The following FAM78B variants were observed in gnomAD, a reference collection of about 807,000 sequenced individuals.
The protein encoded by FAM78B is protein FAM78B.
In FAM78B, 10 loss-of-function variants were observed where a neutral mutation model predicts 20.0. That is an observed-to-expected ratio of 0.50 (90% CI 0.31 to 0.85). The LOEUF (loss-of-function observed/expected upper bound fraction) is 0.85, where lower values mean the gene tolerates loss of function less well. Ranked by LOEUF, FAM78B falls within the 40% of genes least tolerant of loss-of-function variation. FAM78B has a pLI of 0.05. For missense variants in FAM78B, 283 were observed against 345.0 expected (o/e 0.82, Z 1.42); for synonymous variants, 135 against 132.8 (o/e 1.02, Z -0.12).
At chr1:166,162,208 G>A (rs10732284) in intron 1 of FAM78B, among the ~76,000 whole-genome samples, 150,993 of 152,304 alleles carry the variant, frequency 0.99, 74,858 homozygotes, top group Middle Eastern at 1. Context: ...AATGGATAGA[G>A]ATCAGCTTGG....
chr1:166,140,280 T>C (rs1028980013), intron 1 of FAM78B, among the ~76,000 whole-genome samples: 2 of 152,202 alleles, frequency 1.3e-5, no homozygotes, highest in African/African-American at 4.8e-5. Flanking sequence ...GAAGGCTGAC[T>C]TGCCAGAAAA....
Position 166,166,040 on chromosome 1 carries a change from C to T in FAM78B, c.209G>A (p.Trp70Ter). The T allele has an allele frequency of 6.2e-7, 1 of 1,613,982 alleles. No homozygotes were observed. Among genetic ancestry groups the T allele is most frequent in the Non-Finnish European group, 8.5e-7 (1 of 1,180,018 alleles). ...IPRHETWVVG[W>*]IQACNQMEFF... Reference sequence around the variant, plus strand: ...CTCCATCTGATTGCACGCCTGAATCCAGCCCACCACCCAGGTCTCGTGGCG... The same window carrying T: ...CTCCATCTGATTGCACGCCTGAATCTAGCCCACCACCCAGGTCTCGTGGCG... The change falls in exon 1 of 2, where the codon TGG becomes TAG. Residue 70 changes from tryptophan (W) to a stop codon, truncating the protein, a stop_gained. Transcript: ENST00000354422. LOFTEE classifies it high-confidence loss of function.
intron 1 of FAM78B, among the ~76,000 whole-genome samples, chr1:166,072,140 A>C (rs1652073399): frequency 6.6e-6 from 1 of 152,200 alleles, no homozygotes; most frequent in South Asian, 2.1e-4. Context: ...GGTTTTATAC[A>C]AGTTGTCTTA....
At chr1:166,057,207 C>T (rs146783235), downstream of FAM78B, among the ~76,000 whole-genome samples, 67 of 152,292 alleles carry the variant, frequency 4.4e-4, 2 homozygotes, top group African/African-American at 1.4e-3. Context: ...CCTTTCTTCC[C>T]CTTACAGTTG....
chr1:166,147,806 G>C (rs1430385953), intron 1 of FAM78B: 1 of 151,998 alleles, frequency 6.6e-6, no homozygotes. Context: ...GCTAATTTTT[G>C]CATTTTTTGT....
intron 1 of FAM78B, among the ~76,000 whole-genome samples, chr1:166,108,675 G>A (rs993428824): frequency 3.9e-5 from 6 of 151,970 alleles, no homozygotes; most frequent in South Asian, 2.1e-4. Context: ...AAATTCATAC[G>A]GAAACAAAAA....
At chr1:166,077,115 C>T (rs912269749) in intron 1 of FAM78B, among the ~76,000 whole-genome samples, 2 of 152,014 alleles carry the variant, frequency 1.3e-5, no homozygotes, top group African/African-American at 4.8e-5. Flanking sequence ...TTCAAGACAG[C>T]AGTAAAGATA....
chr1:166,098,309 T>TA (rs573490287), intron 1 of FAM78B, among the ~76,000 whole-genome samples: 3 of 151,808 alleles, frequency 2.0e-5, no homozygotes, highest in Non-Finnish European at 2.9e-5. Context: ...GGTAATATGA[T>TA]AAAAAAAGGC....
chr1:166,136,485 AGCT>A (rs1344193263), intron 1 of FAM78B, among the ~76,000 whole-genome samples: 1 of 152,198 alleles, frequency 6.6e-6, no homozygotes, highest in Non-Finnish European at 1.5e-5. Flanking sequence ...CTGCCCTCAC[AGCT>A]GCTGCTGTCT....
At chr1:166,109,516 G>A (rs551073739) in intron 1 of FAM78B, among the ~76,000 whole-genome samples, 1 of 151,940 alleles carries the variant, frequency 6.6e-6, no homozygotes, top group African/African-American at 2.4e-5. Flanking sequence ...ACAGTAGATG[G>A]TGGTGTGGAT....
intron 1 of FAM78B, among the ~76,000 whole-genome samples, chr1:166,088,064 T>C (rs930444555): frequency 3.3e-5 from 5 of 152,142 alleles, no homozygotes; most frequent in African/African-American, 1.2e-4. Context: ...CTGCAGATGC[T>C]TTGACCCAAT....
At chr1:166,123,618 T>C (rs1158091521) in intron 1 of FAM78B, among the ~76,000 whole-genome samples, 3 of 152,218 alleles carry the variant, frequency 2.0e-5, no homozygotes, top group Non-Finnish European at 4.4e-5. Context: ...AGAAACCAAC[T>C]TGAAGAAGCT....
chr1:166,084,572 C>T (rs1333646004), intron 1 of FAM78B, among the ~76,000 whole-genome samples: 1 of 152,176 alleles, frequency 6.6e-6, no homozygotes, highest in African/African-American at 2.4e-5. Flanking sequence ...AGTGGTTATT[C>T]CCAAGGGATG....
chr1:166,102,375 A>T (rs1311984700), intron 1 of FAM78B, among the ~76,000 whole-genome samples: 3 of 152,214 alleles, frequency 2.0e-5, no homozygotes, highest in African/African-American at 7.2e-5. Context: ...CGTAAATGTA[A>T]ATGGGCTAAA....
At chr1:166,085,803 T>C (rs945853643) in intron 1 of FAM78B, among the ~76,000 whole-genome samples, 2 of 152,178 alleles carry the variant, frequency 1.3e-5, no homozygotes, top group African/African-American at 4.8e-5. Context: ...TTGGCCTCAG[T>C]GGTCTGGAAA....
rs1653953554 is a variant in FAM78B at position 166,109,858 on chromosome 1, A to ATG, written c.264-39096_264-39095insCA. ...TATATATGTATATATATATATATATATATGTATGTGTATATATATATATGT... is the reference window on the plus strand; with the variant it reads ...TATATATGTATATATATATATATATATGTATGTATGTGTATATATATATATGT... On this transcript the variant is annotated intron_variant, in intron 1 of 1. Transcript: ENST00000354422. Among the ~76,000 whole-genome samples, 7 of 28,116 alleles carry ATG rather than the reference A, an allele frequency of 2.5e-4. 1 individual carries two copies. Among genetic ancestry groups the ATG allele is most frequent in the Non-Finnish European group, 4.6e-4 (6 of 12,914 alleles). 18.4% of individuals were successfully genotyped at this position (28,116 alleles called of 152,430 possible). A position where few individuals can be genotyped will look rare whatever the true frequency, so the allele number is the denominator to read the frequency against.
intron 1 of FAM78B, among the ~76,000 whole-genome samples, chr1:166,086,400 C>T (rs1201366925): frequency 6.6e-6 from 1 of 152,156 alleles, no homozygotes; most frequent in Non-Finnish European, 1.5e-5. Flanking sequence ...TCTCATTTCT[C>T]TCACTGGCGC....
intron 1 of FAM78B, among the ~76,000 whole-genome samples, chr1:166,071,166 G>A (rs114463460): frequency 0.014 from 2,100 of 152,274 alleles, 32 homozygotes; most frequent in Middle Eastern, 0.048. Context: ...GTTGAAATTC[G>A]ATGTACTTGG....
chr1:166,104,625 T>C (rs1314521227), intron 1 of FAM78B, among the ~76,000 whole-genome samples: 2 of 152,150 alleles, frequency 1.3e-5, no homozygotes, highest in Non-Finnish European at 2.9e-5. Context: ...GAGAATCAAA[T>C]AGCTAGGAAT....
Sources: allele counts gnomAD v4.1 joint callset (sites outside exome capture counted in the v4.1 genomes callset), GRCh38; gene constraint gnomAD v4.1.1; transcripts MANE v1.5; gene names NCBI Gene and HGNC (gene_info 2026-07-23, HGNC 2026-07-21).